The following PLCH2 variants were observed in gnomAD, a reference collection of about 807,000 sequenced individuals.
PLCH2 encodes 1-phosphatidylinositol 4,5-bisphosphate phosphodiesterase eta-2.
Under a neutral mutation model 134.7 loss-of-function variants are expected in PLCH2, and 98 were observed. The observed-to-expected ratio is 0.73, with a 90% confidence interval of 0.62 to 0.86. The LOEUF is 0.86. Ranked by LOEUF, PLCH2 falls within the 40% of genes least tolerant of loss-of-function variation. The pLI, the probability that PLCH2 is intolerant of heterozygous loss-of-function variation, is 0.00. For synonymous variants in PLCH2, 974 were observed against 827.5 expected (o/e 1.18, Z -3.04); for missense variants, 1,994 against 1,986.6 (o/e 1.00, Z -0.07).
chr1:2,428,654 C>T (rs975253974), intron 1 of PLCH2, among the ~76,000 whole-genome samples: 5 of 152,270 alleles, frequency 3.3e-5, no homozygotes, highest in Admixed American at 2.0e-4. Context: ...CGCCGGCAGA[C>T]GTGTCGGGGC....
intron 2 of PLCH2, among the ~76,000 whole-genome samples, chr1:2,445,901 C>T (rs1337974512): frequency 2.0e-5 from 3 of 152,202 alleles, no homozygotes; most frequent in South Asian, 4.1e-4. Context: ...TGTTACTCTG[C>T]GCCTAATAGG....
At chr1:2,430,855 G>T (rs921728293) in intron 2 of PLCH2, among the ~76,000 whole-genome samples, 1 of 152,236 alleles carries the variant, frequency 6.6e-6, no homozygotes, top group Admixed American at 6.5e-5. Flanking sequence ...AGAGCTCTCA[G>T]TGTGTGTCCC....
intron 20 of PLCH2, chr1:2,500,690 C>A (rs760454902): frequency 6.6e-6 from 1 of 152,222 alleles, no homozygotes; most frequent in Non-Finnish European, 1.5e-5. Context: ...GACATGGCTC[C>A]GGGGGCCCTG....
Position 2,476,439 on chromosome 1 carries a change from C to T in PLCH2, c.-150C>T, listed in dbSNP as rs962151120. 172 of 747,176 alleles carry T rather than the reference C, an allele frequency of 2.3e-4. No individual in the cohort carries two copies. Among genetic ancestry groups the T allele is most frequent in the African/African-American group, 4.3e-4 (24 of 55,704 alleles). 46.3% of individuals were successfully genotyped at this position (747,176 alleles called of 1,614,324 possible). Reference sequence around the variant, plus strand: ...CCTGGGCACAGCCCTGTGGGGGCTTCGGAGGGCCCTGAGGAGGAGGAGGAA... The same window carrying T: ...CCTGGGCACAGCCCTGTGGGGGCTTTGGAGGGCCCTGAGGAGGAGGAGGAA... On this transcript the variant is annotated 5_prime_UTR_variant, in exon 1 of 22. Coordinates refer to ENST00000378486, the MANE Select transcript of PLCH2 (RefSeq NM_014638.4).
chr1:2,456,416 G>A (rs1169233304), intron 2 of PLCH2, among the ~76,000 whole-genome samples: 3 of 152,128 alleles, frequency 2.0e-5, no homozygotes, highest in African/African-American at 7.2e-5. Context: ...ACGCGCTCTG[G>A]GGCTCGTCAA....
At chr1:2,473,557 T>C (rs116066576), upstream of PLCH2, among the ~76,000 whole-genome samples, 3,052 of 152,246 alleles carry the variant, frequency 0.02, 107 homozygotes, top group African/African-American at 0.069. Context: ...GGACACTGGC[T>C]CCCGTCACCT....
chr1:2,466,876 G>A (rs746568098), upstream of PLCH2, among the ~76,000 whole-genome samples: 1 of 152,180 alleles, frequency 6.6e-6, no homozygotes, highest in African/African-American at 2.4e-5. Flanking sequence ...GCACAGGAAG[G>A]GGTGTAGCAG....
At chr1:2,470,160 A>G (rs978986850) in intron 1 of PLCH2, among the ~76,000 whole-genome samples, 5 of 152,190 alleles carry the variant, frequency 3.3e-5, no homozygotes, top group Non-Finnish European at 7.4e-5. Context: ...GAGGGACTTG[A>G]GTGGTCTTGA....
chr1:2,443,166 C>T (rs764045968), intron 2 of PLCH2, among the ~76,000 whole-genome samples: 3 of 152,300 alleles, frequency 2.0e-5, no homozygotes, highest in Non-Finnish European at 4.4e-5. Context: ...GCTGGCCGCC[C>T]GATGGGAGCT....
the PLCH2 span, among the ~76,000 whole-genome samples, chr1:2,417,623 C>T: frequency 4.6e-5 from 7 of 152,306 alleles, no homozygotes; most frequent in South Asian, 6.2e-4. Context: ...CCCTGTCCTG[C>T]GAGCACTGCA....
intron 21 of PLCH2, chr1:2,503,018 CTCGTGG>C: frequency 1.4e-6 from 1 of 714,808 alleles, no homozygotes; most frequent in Non-Finnish European, 2.6e-6. Context: ...TGTGCTCGTG[CTCGTGG>C]CTCTGTATCC....
At position 2,444,295 on chromosome 1, in the gene PLCH2, C is replaced by T. The variant is rs1281355438; in HGVS notation, c.115+13666C>T. 1.3e-5 allele frequency among the ~76,000 whole-genome samples: 2 copies of T among 152,240 alleles called. No homozygotes were observed. Among genetic ancestry groups the T allele is most frequent in the Non-Finnish European group, 2.9e-5 (2 of 68,038 alleles). ...TGCTGAGAATGACCCCTGCTGAGCCCAGGCCGGGCACCCCGATCCCTGCCG... is the reference window on the plus strand; with the variant it reads ...TGCTGAGAATGACCCCTGCTGAGCCTAGGCCGGGCACCCCGATCCCTGCCG... On this transcript the variant is annotated intron_variant, in intron 2 of 3. Transcript: ENST00000609981. The surrounding 1 kb of genome is among the most constrained non-coding windows in gnomAD (Gnocchi z 4.6).
At chr1:2,445,263 G>A (rs1003150679) in intron 2 of PLCH2, among the ~76,000 whole-genome samples, 24 of 152,216 alleles carry the variant, frequency 1.6e-4, no homozygotes, top group African/African-American at 5.8e-4. Context: ...GAGGCTGAAC[G>A]CCTGATGGCC....
At chr1:2,424,309 C>CT (rs1638664745), upstream of PLCH2, among the ~76,000 whole-genome samples, 2 of 151,794 alleles carry the variant, frequency 1.3e-5, no homozygotes, top group African/African-American at 2.4e-5. Flanking sequence ...AAAAAATTCC[C>CT]CCAAACCACA....
chr1:2,437,732 A>G (rs1252798557), intron 2 of PLCH2, among the ~76,000 whole-genome samples: 1 of 152,242 alleles, frequency 6.6e-6, no homozygotes, highest in Non-Finnish European at 1.5e-5. Context: ...ACATGCACAT[A>G]CACGTGTGCA....
At chr1:2,492,625 C>G (rs1431984974) in intron 11 of PLCH2, 1 of 152,270 alleles carries the variant, frequency 6.6e-6, no homozygotes, top group Non-Finnish European at 1.5e-5. Context: ...CCAGAAGGGT[C>G]TCAGAGTCTT....
At chr1:2,499,275 CCAGGG>C in intron 19 of PLCH2, 45 bp downstream of exon 19, 1 of 1,604,776 alleles carries the variant, frequency 6.2e-7, no homozygotes, top group Non-Finnish European at 8.5e-7. Flanking sequence ...GCCGAGGGCC[CCAGGG>C]CAGGGCAGGT....
chr1:2,468,340 T>C (rs954377621), intron 1 of PLCH2, among the ~76,000 whole-genome samples: 1 of 152,274 alleles, frequency 6.6e-6, no homozygotes, highest in Non-Finnish European at 1.5e-5. Flanking sequence ...TCTGTCACGC[T>C]TTCCTGACCT....
intron 1 of PLCH2, among the ~76,000 whole-genome samples, chr1:2,477,311 A>G (rs1287863300): frequency 6.6e-6 from 1 of 151,390 alleles, no homozygotes; most frequent in Non-Finnish European, 1.5e-5. Context: ...CCCTGCAGCC[A>G]TACCTGCGTC....
Sources: gnomAD v4.1 joint callset for allele counts (sites outside exome capture counted in the v4.1 genomes callset) on GRCh38, gnomAD v4.1.1 for gene constraint, Gnocchi (gnomAD v3.1) non-coding constraint, MANE v1.5 for transcripts, NCBI Gene and HGNC (gene_info 2026-07-23, HGNC 2026-07-21) for gene names.